SNX2: variants seen among roughly 807,000 people sequenced by gnomAD.
The protein encoded by SNX2 is sorting nexin-2.
Under a neutral mutation model 69.9 loss-of-function variants are expected in SNX2, and 25 were observed. That is an observed-to-expected ratio of 0.36 (90% CI 0.26 to 0.50). SNX2 has a LOEUF of 0.50. Ranked by LOEUF, SNX2 falls within the 20% of genes least tolerant of loss-of-function variation. The pLI is 0.97. For missense variants in SNX2, 551 were observed against 613.3 expected (o/e 0.90, Z 1.07); for synonymous variants, 229 against 200.4 (o/e 1.14, Z -1.20).
At chr5:122,784,514 C>CT (rs913619947) in intron 1 of SNX2, among the ~76,000 whole-genome samples, 7 of 148,032 alleles carry the variant, frequency 4.7e-5, no homozygotes, top group Non-Finnish European at 1.0e-4. Flanking sequence ...ATTTTTTTTT[C>CT]TTTTTTTTTA....
In SNX2 at chr5:122,834,461, G is replaced by A. The variant is rs1176546057; in HGVS notation, c.*4813G>A. The A allele has an allele frequency of 6.6e-6, 1 of 152,184 alleles. No individual in the cohort carries two copies. The highest frequency in any genetic ancestry group is 1.5e-5 in the Non-Finnish European group (1 of 68,016). The allele number at this position is 152,184 out of a possible 1,614,324, so 9.4% of individuals were successfully genotyped here. A position where few individuals can be genotyped will look rare whatever the true frequency, so the allele number is the denominator to read the frequency against. On this transcript the variant is annotated 3_prime_UTR_variant, in exon 15 of 15. Transcript: ENST00000379516. ...CAGTTAATGGGATAAACCGTTTTAA[G>A]AGAGTTGAGAAAAAATAAAGTTCTA...
At chr5:122,825,436 T>C (rs1022012292) in intron 11 of SNX2, among the ~76,000 whole-genome samples, 3 of 152,046 alleles carry the variant, frequency 2.0e-5, no homozygotes, top group Admixed American at 6.5e-5. Flanking sequence ...TGTATTAGGA[T>C]CTTTTTGTCT....
chr5:122,827,341 T>G, intron 12 of SNX2, 38 bp from the exon 13 acceptor site: 2 of 1,558,638 alleles, frequency 1.3e-6, no homozygotes, highest in Non-Finnish European at 1.8e-6. Context: ...TATACTTTTT[T>G]TTGAGATAAG....
chr5:122,806,142 G>GCGCACGCGCACACGCACACACACACA, intron 6 of SNX2, among the ~76,000 whole-genome samples: 1 of 130,584 alleles, frequency 7.7e-6, no homozygotes, highest in Admixed American at 7.6e-5. Flanking sequence ...ACACGCGCGC[G>GCGCACGCGCACACGCACACACACACA]CACACACACA....
intron 1 of SNX2, among the ~76,000 whole-genome samples, chr5:122,789,348 A>G (rs1753162917): frequency 6.6e-6 from 1 of 152,066 alleles, no homozygotes; most frequent in Non-Finnish European, 1.5e-5. Flanking sequence ...CATTCACAGA[A>G]TTAGGGGATC....
chr5:122,798,890 A>G (rs1753447038), intron 2 of SNX2, among the ~76,000 whole-genome samples: 1 of 152,090 alleles, frequency 6.6e-6, no homozygotes, highest in South Asian at 2.1e-4. Context: ...GTCTTGTAAC[A>G]TTCTTTTCAT....
At chr5:122,793,991 A>G (rs1471909069) in intron 1 of SNX2, among the ~76,000 whole-genome samples, 1 of 151,702 alleles carries the variant, frequency 6.6e-6, no homozygotes, top group Non-Finnish European at 1.5e-5. Context: ...TACACAATCT[A>G]GGTTTCATTG....
At chr5:122,801,543 T>C (rs1347190866) in intron 3 of SNX2, among the ~76,000 whole-genome samples, 1 of 151,006 alleles carries the variant, frequency 6.6e-6, no homozygotes, top group Non-Finnish European at 1.5e-5. Flanking sequence ...AGGTGGAGGT[T>C]GCAGTGAGCT....
At position 122,808,614 on chromosome 5, in the gene SNX2, C is replaced by T; in HGVS notation, c.722+259C>T. The T allele has an allele frequency of 3.7e-6, 1 of 269,498 alleles. No homozygotes were observed. The allele number at this position is 269,498 out of a possible 1,614,324, so 16.7% of individuals were successfully genotyped here. A position where few individuals can be genotyped will look rare whatever the true frequency, so the allele number is the denominator to read the frequency against. On this transcript the variant is annotated intron_variant, in intron 7 of 14. Transcript: ENST00000379516. ...TTGTTTTTCTATTATATGCTACAAG[C>T]AGGAGCATATAATAGAAAACATATA...
chr5:122,811,393 C>T lies in SNX2; in HGVS notation c.722+3038C>T, dbSNP rs371946221. 3.9e-5 allele frequency among the ~76,000 whole-genome samples: 6 copies of T among 152,222 alleles called. No homozygotes were observed. The South Asian group carries it at 1.0e-3, about 26-fold the overall frequency. ...TGAGTGTATTTTATAGGTAAGGATA[C>T]ACATCTGCAAATACAAAATGAGAAA... On this transcript the variant is annotated intron_variant, in intron 7 of 14. Coordinates refer to ENST00000379516, the MANE Select transcript of SNX2 (RefSeq NM_003100.4).
chr5:122,791,121 T>TC (rs1415391088), intron 1 of SNX2, among the ~76,000 whole-genome samples: 3 of 41,924 alleles, frequency 7.2e-5, no homozygotes, highest in Non-Finnish European at 1.4e-4. Context: ...CTATTTCAAT[T>TC]TTTTTTTTTT....
chr5:122,781,008 T>A (rs1336440665), intron 1 of SNX2, among the ~76,000 whole-genome samples: 1 of 152,162 alleles, frequency 6.6e-6, no homozygotes, highest in Admixed American at 6.5e-5. Context: ...GCATGGAAAA[T>A]TAGTAGAAAG....
Position 122,802,063 on chromosome 5 carries a change from G to A in SNX2, c.458-18G>A, listed in dbSNP as rs774085738. The A allele has an allele frequency of 6.2e-7, 1 of 1,609,866 alleles. No homozygotes were observed. Among genetic ancestry groups the A allele is most frequent in the Admixed American group, 1.7e-5 (1 of 59,994 alleles). On this transcript the variant is annotated intron_variant, in intron 4 of 14. Transcript: ENST00000379516. The stretch of plus-strand genomic sequence containing the variant: ...TTATGCATGTGATTTTAATAGTAGT[G>A]TTTGACTTTTTTTGCAGGTGATGGC...
Position 122,833,517 on chromosome 5 carries a change from A to G in SNX2, c.*3869A>G, listed in dbSNP as rs2150021231. On this transcript the variant is annotated 3_prime_UTR_variant, in exon 15 of 15. Coordinates refer to ENST00000379516, the MANE Select transcript of SNX2 (RefSeq NM_003100.4). Reference sequence around the variant, plus strand: ...TAAGATATTTTACATTCTTTTTTTGATATCTGATGTATATTTTACACTTTC... The same window carrying G: ...TAAGATATTTTACATTCTTTTTTTGGTATCTGATGTATATTTTACACTTTC... 6.6e-6 allele frequency: 1 copy of G among 152,246 alleles called. No individual in the cohort carries two copies. The highest frequency in any genetic ancestry group is 2.1e-4 in the South Asian group (1 of 4,828). 9.4% of individuals were successfully genotyped at this position (152,246 alleles called of 1,614,324 possible). A position where few individuals can be genotyped will look rare whatever the true frequency, so the allele number is the denominator to read the frequency against.
At chr5:122,800,414 A>G (rs181581134) in intron 3 of SNX2, among the ~76,000 whole-genome samples, 1 of 152,330 alleles carries the variant, frequency 6.6e-6, no homozygotes, top group East Asian at 1.9e-4. Flanking sequence ...TAACAACCAC[A>G]TAAAAAATAT....
chr5:122,819,990 T>C (rs149000848), intron 11 of SNX2, among the ~76,000 whole-genome samples: 1 of 152,330 alleles, frequency 6.6e-6, no homozygotes, highest in East Asian at 1.9e-4. Context: ...TTTTACCGTT[T>C]TAAATGTTCC....
At chr5:122,794,786 C>T (rs1443237348) in intron 1 of SNX2, among the ~76,000 whole-genome samples, 1 of 152,124 alleles carries the variant, frequency 6.6e-6, no homozygotes, top group Non-Finnish European at 1.5e-5. Flanking sequence ...CTTTGGGAGG[C>T]TGAAGTGGGA....
intron 14 of SNX2, among the ~76,000 whole-genome samples, chr5:122,829,351 A>G (rs921624206): frequency 6.6e-6 from 1 of 151,738 alleles, no homozygotes; most frequent in African/African-American, 2.4e-5. Flanking sequence ...ATTACAGGCA[A>G]GCGCCACATT....
chr5:122,817,676 A>G (rs1420017538), intron 10 of SNX2, among the ~76,000 whole-genome samples: 5 of 152,106 alleles, frequency 3.3e-5, no homozygotes, highest in African/African-American at 1.2e-4. Context: ...TGGTCACTTG[A>G]TTAACTTTTT....
Sources: allele counts gnomAD v4.1 joint callset (sites outside exome capture counted in the v4.1 genomes callset), GRCh38; gene constraint gnomAD v4.1.1; transcripts MANE v1.5; gene names NCBI Gene and HGNC (gene_info 2026-07-23, HGNC 2026-07-21).